The following DEGS2 variants were observed in gnomAD, a reference collection of about 807,000 sequenced individuals.
The protein encoded by DEGS2 is sphingolipid delta(4)-desaturase/C4-monooxygenase DES2.
DEGS2 carries 19 observed loss-of-function variants against 23.8 expected under a neutral mutation model. That is an observed-to-expected ratio of 0.80 (90% confidence interval 0.56 to 1.17). The LOEUF is 1.17. DEGS2 is among the 50% of genes most tolerant of loss of function. The pLI is 0.00. For missense variants in DEGS2, 390 were observed against 459.5 expected (o/e 0.85, Z 1.38); for synonymous variants, 218 against 213.7 (o/e 1.02, Z -0.18).
chr14:100,159,575 C>T lies in DEGS2; in HGVS notation c.13G>A (p.Ala5Thr), dbSNP rs1430208709. Reference sequence around the variant, plus strand: ...ACCCACTCGAAGTCGCTGCGGCTCGCGCTGTTGCCCATGGTGGGGCGGGAG... The same window carrying T: ...ACCCACTCGAAGTCGCTGCGGCTCGTGCTGTTGCCCATGGTGGGGCGGGAG... MGNS[A>T]SRSDFEWVYT... Residue 5 changes from alanine to threonine, a missense_variant, in exon 1 of 3, where the codon GCG becomes ACG. Coordinates refer to ENST00000305631, the MANE Select transcript of DEGS2 (RefSeq NM_206918.3). The T allele has an allele frequency of 1.3e-6, 2 of 1,495,382 alleles. No homozygotes were observed. Among genetic ancestry groups the T allele is most frequent in the Admixed American group, 2.2e-5 (1 of 45,366 alleles). 92.6% of individuals were successfully genotyped at this position (1,495,382 alleles called of 1,614,324 possible).
At chr14:100,161,476 A>T (rs1374213373), upstream of DEGS2, among the ~76,000 whole-genome samples, 2 of 152,194 alleles carry the variant, frequency 1.3e-5, no homozygotes, top group African/African-American at 4.8e-5. Flanking sequence ...ACGAGCCAGG[A>T]GCACATACTG....
chr14:100,163,879 C>T (rs763530120), upstream of DEGS2, among the ~76,000 whole-genome samples: 1 of 152,160 alleles, frequency 6.6e-6, no homozygotes, highest in Non-Finnish European at 1.5e-5. Flanking sequence ...CCACCACACC[C>T]AGCTTATTTT....
At position 100,145,892 on chromosome 14, in the gene DEGS2, C is replaced by T. The variant is rs1889435645; in HGVS notation, c.*869G>A. On this transcript the variant is annotated 3_prime_UTR_variant, in exon 3 of 3. Transcript: ENST00000305631. ...GAGCTGTGGCTCACCAGGACAGTCA[C>T]CTGCCCGGCCAGCCCCCGGGCTTGG... 6.6e-6 allele frequency: 1 copy of T among 152,486 alleles called. No individual in the cohort carries two copies. The highest frequency in any genetic ancestry group is 2.4e-5 in the African/African-American group (1 of 41,478). The allele number at this position is 152,486 out of a possible 1,614,324, so 9.4% of individuals were successfully genotyped here. A position where few individuals can be genotyped will look rare whatever the true frequency, so the allele number is the denominator to read the frequency against.
rs1889372925 is a variant in DEGS2, at chr14:100,144,016, A to G, written c.*2745T>C. 2.1e-6 allele frequency: 1 copy of G among 486,322 alleles called. No individual in the cohort carries two copies. Among genetic ancestry groups the G allele is most frequent in the African/African-American group, 2.0e-5 (1 of 50,456 alleles). The allele number at this position is 486,322 out of a possible 1,614,324, so 30.1% of individuals were successfully genotyped here. On this transcript the variant is annotated 3_prime_UTR_variant, in exon 3 of 3. Transcript: ENST00000305631. ...GGTACATTTCTTTGGGTTTCTAGAGACGCCCCTAAGTCACCTGCTTCATTA... is the reference window on the plus strand; with the variant it reads ...GGTACATTTCTTTGGGTTTCTAGAGGCGCCCCTAAGTCACCTGCTTCATTA...
intron 2 of DEGS2, 105 bp downstream of exon 2, chr14:100,148,863 A>T: frequency 7.5e-7 from 1 of 1,330,928 alleles, no homozygotes; most frequent in Non-Finnish European, 1.0e-6. Flanking sequence ...TAGCACAAAA[A>T]GGGAGAGGCT....
At chr14:100,149,765 C>T in intron 1 of DEGS2, 55 bp from the exon 2 acceptor site, 3 of 1,513,850 alleles carry the variant, frequency 2.0e-6, no homozygotes, top group Non-Finnish European at 2.7e-6. Flanking sequence ...GCACCCCGCC[C>T]TCCTCCGCTC....
upstream of DEGS2, among the ~76,000 whole-genome samples, chr14:100,162,001 G>C (rs1889754243): frequency 6.6e-6 from 1 of 150,846 alleles, no homozygotes; most frequent in Admixed American, 6.6e-5. Context: ...GCAGTGAGCT[G>C]AGATTGCACC....
intron 2 of DEGS2, among the ~76,000 whole-genome samples, chr14:100,148,171 A>G (rs1190412680): frequency 6.6e-6 from 1 of 152,214 alleles, no homozygotes; most frequent in Non-Finnish European, 1.5e-5. Flanking sequence ...AACCACACAC[A>G]GATGCGTGTG....
chr14:100,164,614 G>A (rs1191775011), upstream of DEGS2, among the ~76,000 whole-genome samples: 2 of 152,150 alleles, frequency 1.3e-5, no homozygotes, highest in East Asian at 3.9e-4. Flanking sequence ...TCCAGCCTGG[G>A]CAACAAGAGC....
At chr14:100,160,103 C>T (rs1216574162), upstream of DEGS2, 1 of 152,400 alleles carries the variant, frequency 6.6e-6, no homozygotes, top group Non-Finnish European at 1.5e-5. Flanking sequence ...ATGGATGCGA[C>T]GGTGCCAGTA....
At chr14:100,163,333 T>C (rs1167417563), upstream of DEGS2, among the ~76,000 whole-genome samples, 1 of 152,040 alleles carries the variant, frequency 6.6e-6, no homozygotes, top group Non-Finnish European at 1.5e-5. Context: ...TCCCAGCTAG[T>C]TGGGAGGCCG....
At chr14:100,166,373 T>A in the DEGS2 span, among the ~76,000 whole-genome samples, 80 of 115,016 alleles carry the variant, frequency 7.0e-4, 1 homozygote, top group Non-Finnish European at 1.2e-3. Flanking sequence ...TGCCCGGGGC[T>A]GTGGGGGAGG....
At position 100,149,052 on chromosome 14, in the gene DEGS2, C is replaced by T. The variant is rs765550428; in HGVS notation, c.741G>A (p.Gly247=). 1 of 1,612,922 alleles carries T rather than the reference C, an allele frequency of 6.2e-7. No homozygotes were observed. Among genetic ancestry groups the T allele is most frequent in the South Asian group, 1.1e-5 (1 of 91,090 alleles). ...CATTGAAGGTGATCCAGTTGAGAGG[C>T]CCATAGTAGGAGTAGGTCTCGTGGC... ...LKGHETYSYY[G]PLNWITFNVG... is the part of the protein sequence containing the mutation. The change falls in exon 2 of 3, where the codon GGG becomes GGA. Residue 247 remains glycine (G), a synonymous_variant. Transcript: ENST00000305631.
upstream of DEGS2, among the ~76,000 whole-genome samples, chr14:100,162,911 G>T (rs1238486200): frequency 6.6e-6 from 1 of 152,218 alleles, no homozygotes; most frequent in African/African-American, 2.4e-5. Context: ...CAGAAAACAG[G>T]CCAGAAGACA....
intron 1 of DEGS2, among the ~76,000 whole-genome samples, chr14:100,153,190 G>T (rs1156997231): frequency 6.6e-6 from 1 of 152,064 alleles, no homozygotes; most frequent in African/African-American, 2.4e-5. Context: ...CAGGAGTTCG[G>T]GGCTGCAGTG....
upstream of DEGS2, among the ~76,000 whole-genome samples, chr14:100,164,098 C>G (rs1056968449): frequency 6.6e-6 from 1 of 151,898 alleles, no homozygotes; most frequent in Non-Finnish European, 1.5e-5. Flanking sequence ...CGCCTGTGGT[C>G]CCAGGCGCGA....
At chr14:100,150,385 A>AAAC (rs1889548936) in intron 1 of DEGS2, among the ~76,000 whole-genome samples, 1 of 76,548 alleles carries the variant, frequency 1.3e-5, no homozygotes, top group Non-Finnish European at 2.8e-5. Flanking sequence ...TCCCACCCCA[A>AAAC]CACCCCCCCC....
chr14:100,165,349 T>C, the DEGS2 span, among the ~76,000 whole-genome samples: 16 of 152,294 alleles, frequency 1.1e-4, no homozygotes, highest in African/African-American at 3.8e-4. Context: ...CACGTTTCCC[T>C]CTCCTCCCCC....
In DEGS2 at chr14:100,152,094, C is replaced by T. The variant is rs147640575; in HGVS notation, c.83-2384G>A. 3.7e-4 allele frequency among the ~76,000 whole-genome samples: 57 copies of T among 152,214 alleles called. 1 individual carries two copies. The East Asian group carries it at 0.01, about 28-fold the overall frequency. On this transcript the variant is annotated intron_variant, in intron 1 of 2. Transcript: ENST00000305631. ...GAGGTTCAGGGACAAGAAGAGAGAG[C>T]AGGTGTCCCTCGACTTAGCCAGGTC...
Sources: allele counts gnomAD v4.1 joint callset (sites outside exome capture counted in the v4.1 genomes callset), GRCh38; gene constraint gnomAD v4.1.1; transcripts MANE v1.5; gene names NCBI Gene and HGNC (gene_info 2026-07-23, HGNC 2026-07-21).